The following NOL10 variants were observed in gnomAD, a reference collection of about 807,000 sequenced individuals.
NOL10 encodes the protein nucleolar protein 10.
In NOL10, 58 loss-of-function variants were observed where a neutral mutation model predicts 103.5. The observed-to-expected ratio is 0.56, with a 90% CI of 0.45 to 0.70. NOL10 has a LOEUF of 0.70. NOL10 is among the 30% of genes least tolerant of loss of function. The probability of loss-of-function intolerance (pLI) is 0.00; values close to 1 mark genes in which losing one functional copy is unlikely to be tolerated. For synonymous variants in NOL10, 287 were observed against 282.5 expected, an observed-to-expected ratio of 1.02 and a Z score of -0.16; for missense variants, 763 against 807.3, an observed-to-expected ratio of 0.95 and a Z score of 0.67.
chr2:10,637,054 T>C (rs1264442529), intron 13 of NOL10, among the ~76,000 whole-genome samples: 2 of 151,678 alleles, frequency 1.3e-5, no homozygotes, highest in Non-Finnish European at 2.9e-5. Context: ...ATACAAAAAT[T>C]AGTCAGGTGT....
chr2:10,617,407 G>A (rs146230078), intron 13 of NOL10, among the ~76,000 whole-genome samples: 11 of 152,276 alleles, frequency 7.2e-5, no homozygotes, highest in South Asian at 2.1e-4. Flanking sequence ...CTGACAGTTC[G>A]GCAACGAGCA....
rs146911088 is a variant in NOL10 at position 10,687,914 on chromosome 2, G to A, written c.66+1882C>T. Among the ~76,000 whole-genome samples the A allele has an allele frequency of 7.0e-4, 106 of 152,184 alleles. 1 individual carries two copies. In the Middle Eastern group the frequency reaches 0.01, roughly 15 times the overall value. On this transcript the variant is annotated intron_variant, in intron 1 of 20. Coordinates refer to ENST00000381685, the MANE Select transcript of NOL10 (RefSeq NM_024894.4). ...GTGAGCCAACATCAGGCCATTGCAC[G>A]CGACCTCAAAAAAAAATCTTGATTC...
chr2:10,580,403 C>T (rs1391999236), intron 19 of NOL10, among the ~76,000 whole-genome samples: 1 of 151,188 alleles, frequency 6.6e-6, no homozygotes, highest in Non-Finnish European at 1.5e-5. Flanking sequence ...TTTTCCCTGC[C>T]TAGGCTTTAC....
chr2:10,672,831 A>G (rs1681036676), intron 5 of NOL10, among the ~76,000 whole-genome samples: 1 of 152,130 alleles, frequency 6.6e-6, no homozygotes, highest in Non-Finnish European at 1.5e-5. Flanking sequence ...TATCTCCACT[A>G]AAAACACAAA....
At chr2:10,618,892 C>G (rs1479921859) in intron 13 of NOL10, among the ~76,000 whole-genome samples, 1 of 152,176 alleles carries the variant, frequency 6.6e-6, no homozygotes, top group African/African-American at 2.4e-5. Flanking sequence ...TATACAAAAT[C>G]AATTCACTCC....
rs984076892 is a variant in NOL10 at position 10,684,626 on chromosome 2, AAG to A, written c.67-16_67-15del. 3 of 1,553,380 alleles carry A rather than the reference AAG, an allele frequency of 1.9e-6. No homozygotes were observed. The highest frequency in any genetic ancestry group is 2.6e-6 in the Non-Finnish European group (3 of 1,146,668). ...ATCAGAAAGCCACTTAAAGAAAATG[AAG>A]AGAGTTTATTTTAAAACAAATTTAG... On this transcript the variant is annotated splice_polypyrimidine_tract_variant and intron_variant, in intron 1 of 20. Transcript: ENST00000381685.
chr2:10,632,532 T>G (rs1041061085), intron 13 of NOL10, among the ~76,000 whole-genome samples: 2 of 152,208 alleles, frequency 1.3e-5, no homozygotes, highest in African/African-American at 4.8e-5. Context: ...TTTTACAACT[T>G]TGCAAATTGT....
At chr2:10,577,615 T>C in intron 20 of NOL10, 21 bp downstream of exon 20, 18 of 1,554,286 alleles carry the variant, frequency 1.2e-5, no homozygotes, top group Non-Finnish European at 1.6e-5. Context: ...AATTAAAAAA[T>C]AACAATAAAA....
chr2:10,635,845 T>C (rs1010108656), intron 13 of NOL10, among the ~76,000 whole-genome samples: 1 of 152,172 alleles, frequency 6.6e-6, no homozygotes, highest in Admixed American at 6.5e-5. Flanking sequence ...AAAATAAAAA[T>C]ATTAAGAGAC....
intron 20 of NOL10, among the ~76,000 whole-genome samples, chr2:10,574,189 A>T (rs1384893097): frequency 6.6e-6 from 1 of 152,210 alleles, no homozygotes; most frequent in East Asian, 1.9e-4. Context: ...CATGCAGCAC[A>T]GGGCAGGCAT....
At chr2:10,657,085 G>A (rs1427227447) in intron 11 of NOL10, among the ~76,000 whole-genome samples, 2 of 152,150 alleles carry the variant, frequency 1.3e-5, no homozygotes, top group South Asian at 2.1e-4. Flanking sequence ...TCAGGAGGTC[G>A]AGGCAGGCGG....
chr2:10,628,629 G>GA (rs1341312300), intron 13 of NOL10, among the ~76,000 whole-genome samples: 1 of 152,036 alleles, frequency 6.6e-6, no homozygotes, highest in African/African-American at 2.4e-5. Flanking sequence ...ACCTAAACTT[G>GA]AAAGGCCCGT....
intron 8 of NOL10, among the ~76,000 whole-genome samples, chr2:10,664,585 A>C (rs565498861): frequency 3.9e-5 from 6 of 152,236 alleles, no homozygotes; most frequent in Non-Finnish European, 8.8e-5. Flanking sequence ...TCAGTCGCCC[A>C]GCTGGAGTGC....
At chr2:10,635,717 A>G (rs547685800) in intron 13 of NOL10, among the ~76,000 whole-genome samples, 48 of 152,302 alleles carry the variant, frequency 3.2e-4, no homozygotes, top group African/African-American at 9.9e-4. Flanking sequence ...AATAGAGAAC[A>G]TGTTGGTTTT....
chr2:10,684,895 T>C (rs1558359365), intron 1 of NOL10, among the ~76,000 whole-genome samples: 1 of 152,220 alleles, frequency 6.6e-6, no homozygotes, highest in Non-Finnish European at 1.5e-5. Flanking sequence ...AATGATGCGA[T>C]GTGACTGTAG....
Position 10,615,147 on chromosome 2 carries a change from G to T in NOL10, c.1027-7836C>A, listed in dbSNP as rs546629973. Among the ~76,000 whole-genome samples the T allele has an allele frequency of 8.5e-5, 13 of 152,296 alleles. No individual in the cohort carries two copies. The East Asian group carries it at 2.5e-3, about 29-fold the overall frequency. The stretch of plus-strand genomic sequence containing the variant: ...CATATCCAAGTTTACATGCATTTGT[G>T]TGAGTAATTATGAGTCATTTAAATG... On this transcript the variant is annotated intron_variant, in intron 13 of 20. Transcript: ENST00000381685.
chr2:10,587,122 T>TATATATAC (rs1344348492), intron 19 of NOL10, among the ~76,000 whole-genome samples: 1 of 51,504 alleles, frequency 1.9e-5, no homozygotes, highest in African/African-American at 1.0e-4. Context: ...TATATATACA[T>TATATATAC]ATATATACAT....
At chr2:10,669,668 C>T (rs968336710) in intron 6 of NOL10, among the ~76,000 whole-genome samples, 1 of 150,390 alleles carries the variant, frequency 6.6e-6, no homozygotes, top group African/African-American at 2.4e-5. Context: ...CTGAGGTGGG[C>T]GGATCACGAG....
At chr2:10,675,042 A>C (rs1586622) in intron 4 of NOL10, among the ~76,000 whole-genome samples, 44,870 of 151,810 alleles carry the variant, frequency 0.3, 6,933 homozygotes, top group South Asian at 0.48. Context: ...ATCTCTACAA[A>C]AAATTATAAA....
Sources: allele counts gnomAD v4.1 joint callset (sites outside exome capture counted in the v4.1 genomes callset), GRCh38; gene constraint gnomAD v4.1.1; transcripts MANE v1.5; gene names NCBI Gene and HGNC (gene_info 2026-07-23, HGNC 2026-07-21).